The following C16orf95 variants were observed in gnomAD, a reference collection of about 807,000 sequenced individuals.
C16orf95 encodes the protein uncharacterized protein C16orf95.
C16orf95 carries 41 observed loss-of-function variants against 32.1 expected under a neutral mutation model. The observed-to-expected ratio is 1.28, with a 90% CI of 1.00 to 1.66. C16orf95 has a LOEUF of 1.66. C16orf95 is among the 40% of genes most tolerant of loss of function. The pLI is 0.00. For missense variants in C16orf95, 399 were observed against 325.9 expected (o/e 1.22, Z -1.73); for synonymous variants, 147 against 128.9 (o/e 1.14, Z -0.95).
intron 1 of C16orf95, 121 bp from the exon 2 acceptor site, chr16:87,315,944 G>A (rs1904322946): frequency 7.5e-6 from 4 of 531,926 alleles, no homozygotes; most frequent in Non-Finnish European, 9.3e-6. Flanking sequence ...ACGGGTGGTG[G>A]GGATGGGGGG....
At chr16:87,314,261 A>G (rs1345090505) in intron 3 of C16orf95, among the ~76,000 whole-genome samples, 1 of 152,214 alleles carries the variant, frequency 6.6e-6, no homozygotes, top group Non-Finnish European at 1.5e-5. Context: ...AGTAGAAACA[A>G]CCCAAATGTC....
In C16orf95 at chr16:87,305,128, A is replaced by C. The variant is rs1910954076; in HGVS notation, c.701+591T>G. Among the ~76,000 whole-genome samples the C allele has an allele frequency of 6.6e-6, 1 of 152,206 alleles. No individual in the cohort carries two copies. Among genetic ancestry groups the C allele is most frequent in the African/African-American group, 2.4e-5 (1 of 41,464 alleles). ...AGGAAGTAGCTGTTCCCCGAAGCCC[A>C]GCTGTGGCCCGGGGAGTGGCCCCGG... On this transcript the variant is annotated intron_variant, in intron 6 of 6. Coordinates refer to ENST00000567970, the MANE Select transcript of C16orf95 (RefSeq NM_001195124.3). The surrounding 1 kb of genome is among the most constrained non-coding windows in gnomAD (Gnocchi z 4.2).
chr16:87,302,991 C>T lies in C16orf95; in HGVS notation c.*66G>A. 6.7e-7 allele frequency: 1 copy of T among 1,497,306 alleles called. No individual in the cohort carries two copies. Among genetic ancestry groups the T allele is most frequent in the Non-Finnish European group, 9.0e-7 (1 of 1,111,376 alleles). 92.8% of individuals were successfully genotyped at this position (1,497,306 alleles called of 1,614,324 possible). A position where few individuals can be genotyped will look rare whatever the true frequency, so the allele number is the denominator to read the frequency against. ...TCACAGACGCCTCCTGATTGGTGGA[C>T]TCTCAAAGATCTTGATCGTGACACA... On this transcript the variant is annotated 3_prime_UTR_variant, in exon 7 of 7. Transcript: ENST00000567970.
At chr16:87,310,469 T>A (rs1911230979) in intron 4 of C16orf95, 136 bp from the exon 5 acceptor site, 2 of 784,996 alleles carry the variant, frequency 2.5e-6, no homozygotes, top group Admixed American at 2.6e-5. Flanking sequence ...CCTTATGAGG[T>A]CTGCGGGCTC....
At chr16:87,315,936 G>A (rs1246325945) in intron 1 of C16orf95, 113 bp from the exon 2 acceptor site, 15 of 590,872 alleles carry the variant, frequency 2.5e-5, no homozygotes, top group Non-Finnish European at 3.8e-5. Context: ...TAAAGCCCAC[G>A]GGTGGTGGGG....
Position 87,305,762 on chromosome 16 carries a change from G to C in C16orf95, c.658C>G (p.Leu220Val). Residue 220 changes from leucine to valine, a missense_variant, in exon 6 of 7, where the codon CTG (leucine) becomes GTG (valine). Transcript: ENST00000567970. This position sits in a 1 kb window ranked among gnomAD's most constrained non-coding sequence, Gnocchi z 4.2. ...CTCGGGATGGCCTGGAGGAGGGTCA[G>C]GAGGCCGAGGGGCAGCAGACGCGCT... ...PAARLLPLGLLTLLQAIPRVI... is the reference protein window; with the variant it reads ...PAARLLPLGLVTLLQAIPRVI... 1 of 1,519,378 alleles carries C rather than the reference G, an allele frequency of 6.6e-7. No homozygotes were observed. Among genetic ancestry groups the C allele is most frequent in the Non-Finnish European group, 8.8e-7 (1 of 1,138,846 alleles). The allele number at this position is 1,519,378 out of a possible 1,614,324, so 94.1% of individuals were successfully genotyped here. A position where few individuals can be genotyped will look rare whatever the true frequency, so the allele number is the denominator to read the frequency against.
At position 87,311,103 on chromosome 16, in the gene C16orf95, C is replaced by T. The variant is rs117266431; in HGVS notation, c.477+47G>A. 7.6e-3 allele frequency: 10,921 copies of T among 1,427,736 alleles called. 60 individuals are homozygous for T. Among genetic ancestry groups the T allele is most frequent in the Non-Finnish European group, 8.9e-3 (9,623 of 1,082,702 alleles). 88.4% of individuals were successfully genotyped at this position (1,427,736 alleles called of 1,614,324 possible). On this transcript the variant is annotated intron_variant, in intron 4 of 6. Transcript: ENST00000567970. ...CCTCCCATCTCCCCTTCCCCCGGCC[C>T]CCACCTCACTCTTCAGTTCTCACTG...
At chr16:87,312,615 G>T (rs989039583) in intron 3 of C16orf95, among the ~76,000 whole-genome samples, 12 of 148,940 alleles carry the variant, frequency 8.1e-5, no homozygotes, top group Admixed American at 6.7e-4. Context: ...AAGAAAAACT[G>T]AATGCCATCC....
Position 87,311,355 on chromosome 16 carries a change from A to G in C16orf95, c.331-59T>C, listed in dbSNP as rs1441216114. ...GGGGATGGAGCCATGCCTGTCCCCA[A>G]TGACTCCCTGATGGAGCCATCCCCC... is the stretch of plus-strand genomic sequence containing the variant. On this transcript the variant is annotated intron_variant, in intron 3 of 6. Transcript: ENST00000567970. 4.4e-5 allele frequency: 63 copies of G among 1,445,088 alleles called. No homozygotes were observed. The Admixed American group carries it at 5.1e-4, about 12-fold the overall frequency. 89.5% of individuals were successfully genotyped at this position (1,445,088 alleles called of 1,614,324 possible).
chr16:87,317,098 C>T lies in C16orf95; in HGVS notation c.145G>A (p.Asp49Asn). Residue 49 changes from aspartate (D) to asparagine (N), a missense_variant, in exon 1 of 7, where the codon GAT becomes AAT. By Grantham distance (23) the Asp-to-Asn change is conservative. Coordinates refer to ENST00000567970, the MANE Select transcript of C16orf95 (RefSeq NM_001195124.3). ...GATTCAGGACTCACTTGCCTGCCAT[C>T]CTGCGCGCTGGGTGTGAGTGCCAAC... ...CRLALTPSAQ[D>N]GRNSTFQTYK... The T allele has an allele frequency of 3.9e-6, 6 of 1,524,576 alleles. No individual in the cohort carries two copies. Among genetic ancestry groups the T allele is most frequent in the East Asian group, 4.9e-5 (2 of 40,452 alleles). 94.4% of individuals were successfully genotyped at this position (1,524,576 alleles called of 1,614,324 possible). A position where few individuals can be genotyped will look rare whatever the true frequency, so the allele number is the denominator to read the frequency against.
At chr16:87,308,237 C>T (rs1175157011) in intron 5 of C16orf95, among the ~76,000 whole-genome samples, 3 of 152,128 alleles carry the variant, frequency 2.0e-5, no homozygotes, top group Admixed American at 6.5e-5. Flanking sequence ...AATCCCAGCA[C>T]TTTGGGAGGC....
intron 5 of C16orf95, 62 bp downstream of exon 5, chr16:87,310,235 G>T: frequency 2.0e-6 from 3 of 1,488,446 alleles, no homozygotes; most frequent in Non-Finnish European, 2.7e-6. Context: ...CCATCATGAT[G>T]CTCACGAACC....
intron 1 of C16orf95, among the ~76,000 whole-genome samples, 158 bp from the exon 2 acceptor site, chr16:87,315,981 G>C (rs1270175222): frequency 6.6e-6 from 1 of 152,206 alleles, no homozygotes; most frequent in Non-Finnish European, 1.5e-5. Context: ...AAGAGTGAGA[G>C]GGTGACATCA....
chr16:87,309,954 T>A (rs539171032), intron 5 of C16orf95, among the ~76,000 whole-genome samples: 3 of 152,294 alleles, frequency 2.0e-5, no homozygotes, highest in East Asian at 3.9e-4. Context: ...TAAATATATA[T>A]ACACACACAT....
intron 3 of C16orf95, among the ~76,000 whole-genome samples, chr16:87,313,312 A>G (rs1351243928): frequency 6.6e-6 from 1 of 152,242 alleles, no homozygotes; most frequent in Non-Finnish European, 1.5e-5. Context: ...GTGTAGTATT[A>G]GCATAAAGAT....
In C16orf95 at chr16:87,315,028, G is replaced by C. The variant is rs569068590; in HGVS notation, c.273C>G (p.Ser91=). Residue 91 remains serine, a synonymous_variant, in exon 3 of 7, where the codon TCC becomes TCG. Transcript: ENST00000567970. The stretch of plus-strand genomic sequence containing the variant: ...AGTAAGGCAGTGCTGCTTCCACCCT[G>C]GACACAGGCAGGCGGCCCCCGAATC... The part of the protein sequence containing the change: ...QTRFGGRLPV[S]RVEAALPYWV... 2.3e-5 allele frequency: 35 copies of C among 1,536,086 alleles called. No individual in the cohort carries two copies. The African/African-American group carries it at 4.0e-4, about 17-fold the overall frequency.
rs1469698737 is a variant in C16orf95 at position 87,314,982 on chromosome 16, G to T, written c.319C>A (p.Pro107Thr). 3 of 1,535,916 alleles carry T rather than the reference G, an allele frequency of 2.0e-6. No homozygotes were observed. The highest frequency in any genetic ancestry group is 3.9e-5 in the Admixed American group (2 of 50,960). ...LPYWVPLSLR[P>T]RKQSQKTVQF... Reference sequence around the variant, plus strand: ...TTCAAGTCACCTACCTGCTTTCGGGGTCTCAGGGACAGAGGGACCCAGTAA... The same window carrying T: ...TTCAAGTCACCTACCTGCTTTCGGGTTCTCAGGGACAGAGGGACCCAGTAA... The change falls in exon 3 of 7, where the codon CCC (proline) becomes ACC (threonine). Residue 107 changes from proline (P) to threonine (T), a missense_variant. Pro to Thr is a conservative substitution (Grantham distance 38). Transcript: ENST00000567970.
At chr16:87,306,202 T>G in intron 5 of C16orf95, 1 of 241,366 alleles carries the variant, frequency 4.1e-6, no homozygotes, top group East Asian at 7.9e-5. Context: ...TCCTCTTTTT[T>G]GGAGCGGGAG....
chr16:87,315,773 G>A lies in C16orf95; in HGVS notation c.203C>T (p.Ser68Leu), dbSNP rs1381542601. 1.8e-5 allele frequency: 28 copies of A among 1,529,430 alleles called. No homozygotes were observed. The highest frequency in any genetic ancestry group is 1.6e-4 in the African/African-American group (12 of 72,774). 94.7% of individuals were successfully genotyped at this position (1,529,430 alleles called of 1,614,324 possible). ...TGGCTGAGGATTTGCTTTCCTTACC[G>A]AATGACGGGGGAGGCACACTTCTTT... ...YKKEVCLPRH[S>L]MHPGPWAICC... is the part of the protein sequence containing the mutation. The change falls in exon 2 of 7, where the codon TCG (serine) becomes TTG (leucine). Residue 68 changes from serine (S) to leucine (L), a missense_variant and splice_region_variant. By Grantham distance (145) the Ser-to-Leu change is moderately radical. Coordinates refer to ENST00000567970, the MANE Select transcript of C16orf95 (RefSeq NM_001195124.3).
Sources: gnomAD v4.1 joint callset for allele counts (sites outside exome capture counted in the v4.1 genomes callset) on GRCh38, gnomAD v4.1.1 for gene constraint, Gnocchi (gnomAD v3.1) non-coding constraint, MANE v1.5 for transcripts, NCBI Gene and HGNC (gene_info 2026-07-23, HGNC 2026-07-21) for gene names.